ODF2: variants seen among roughly 807,000 people sequenced by gnomAD.
The protein encoded by ODF2 is outer dense fiber of sperm tails 2.
A neutral mutation model predicts 110.2 loss-of-function variants in ODF2; 47 were observed. That is an observed-to-expected ratio of 0.43 (90% CI 0.34 to 0.54). The LOEUF is 0.54. Among genes scored for constraint, ODF2 ranks in the 20% least tolerant of loss-of-function variants. The pLI, the probability that ODF2 is intolerant of heterozygous loss-of-function variation, is 0.03. For synonymous variants in ODF2, 352 were observed against 397.7 expected (o/e 0.89, Z 1.37); for missense variants, 812 against 1,054.5 (o/e 0.77, Z 3.19).
chr9:128,462,336 A>G (rs537598940), intron 4 of ODF2, among the ~76,000 whole-genome samples: 13 of 152,050 alleles, frequency 8.5e-5, no homozygotes, highest in Admixed American at 3.9e-4. Context: ...TTTAGTAGAG[A>G]TAGGGTTTGT....
chr9:128,492,441 A>G (rs575546042), exon 15 of ODF2: 7 of 1,613,766 alleles, frequency 4.3e-6, no homozygotes, highest in East Asian at 2.2e-5. Flanking sequence ...CTTTGCTCCA[A>G]TGGAGGACAA....
intron 8 of ODF2, among the ~76,000 whole-genome samples, chr9:128,479,780 T>TGC (rs1272503337): frequency 1.3e-5 from 2 of 152,108 alleles, no homozygotes; most frequent in Non-Finnish European, 2.9e-5. Context: ...AGGTTCCACA[T>TGC]GCCATGGCAT....
intron 4 of ODF2, among the ~76,000 whole-genome samples, chr9:128,464,456 A>G (rs754631766): frequency 6.8e-6 from 1 of 147,700 alleles, no homozygotes; most frequent in Non-Finnish European, 1.5e-5. Context: ...GCCCAGCCCA[A>G]AAATGCCTTT....
chr9:128,470,655 A>G (rs1839762750), intron 5 of ODF2, among the ~76,000 whole-genome samples: 1 of 150,800 alleles, frequency 6.6e-6, no homozygotes, highest in South Asian at 2.1e-4. Flanking sequence ...TTCTTCCCCT[A>G]TAACTCAAAG....
At chr9:128,475,724 C>A (rs1370283935) in intron 8 of ODF2, among the ~76,000 whole-genome samples, 23 of 151,980 alleles carry the variant, frequency 1.5e-4, no homozygotes, top group Admixed American at 1.5e-3. Context: ...CTGTTCACTG[C>A]AACCTCCGCC....
At chr9:128,466,151 A>G (rs1051852920) in intron 4 of ODF2, among the ~76,000 whole-genome samples, 2 of 150,840 alleles carry the variant, frequency 1.3e-5, no homozygotes, top group African/African-American at 4.9e-5. Context: ...AAAAAAAACA[A>G]AAAAAACGGA....
At chr9:128,483,607 A>G (rs1019892468) in intron 10 of ODF2, among the ~76,000 whole-genome samples, 11 of 147,500 alleles carry the variant, frequency 7.5e-5, no homozygotes, top group Non-Finnish European at 1.5e-4. Context: ...ATTATTGACC[A>G]TGCGCGGTGG....
intron 16 of ODF2, among the ~76,000 whole-genome samples, chr9:128,493,436 T>C (rs1032524119): frequency 2.0e-5 from 3 of 152,176 alleles, no homozygotes; most frequent in African/African-American, 4.8e-5. Flanking sequence ...AGCATCCAAG[T>C]AGACAGAAAT....
At chr9:128,498,551 T>A in exon 19 of ODF2, 1 of 1,604,446 alleles carries the variant, frequency 6.2e-7, no homozygotes, top group Non-Finnish European at 8.5e-7. Flanking sequence ...AGTTGGAGAG[T>A]GCCATTGAAG....
At chr9:128,487,996 G>C (rs750510737) in exon 14 of ODF2, 2 of 1,613,928 alleles carry the variant, frequency 1.2e-6, no homozygotes, top group East Asian at 4.5e-5. Context: ...TGAGTATTCC[G>C]CATTCAAGCT....
chr9:128,461,523 A>G (rs1836449309), intron 4 of ODF2: 1 of 154,378 alleles, frequency 6.5e-6, no homozygotes, highest in African/African-American at 2.4e-5. Context: ...GGTTCAAGTG[A>G]TTCTCCAGCC....
intron 17 of ODF2, 37 bp from the exon 18 acceptor site, chr9:128,496,004 T>C (rs1200375332): frequency 2.5e-6 from 4 of 1,611,764 alleles, no homozygotes; most frequent in East Asian, 4.5e-5. Context: ...TAGCGGGAAA[T>C]TCCTTTGTAA....
At chr9:128,463,909 A>G (rs1016899539) in intron 4 of ODF2, among the ~76,000 whole-genome samples, 5 of 152,122 alleles carry the variant, frequency 3.3e-5, no homozygotes, top group Non-Finnish European at 5.9e-5. Flanking sequence ...CAGTGACGCA[A>G]TCTCGGCTCA....
intron 14 of ODF2, among the ~76,000 whole-genome samples, chr9:128,489,003 T>C (rs1843988353): frequency 6.6e-6 from 1 of 152,170 alleles, no homozygotes; most frequent in African/African-American, 2.4e-5. Flanking sequence ...CGAAACTCCG[T>C]CTCAAAAGAA....
intron 7 of ODF2, 140 bp from the exon 8 acceptor site, chr9:128,473,470 C>T: frequency 1.5e-6 from 2 of 1,368,730 alleles, no homozygotes; most frequent in South Asian, 1.5e-5. Context: ...TCCAGGAAAC[C>T]TGCCCTTGAT....
chr9:128,483,285 G>T (rs1842767995), intron 10 of ODF2, among the ~76,000 whole-genome samples: 1 of 152,128 alleles, frequency 6.6e-6, no homozygotes, highest in African/African-American at 2.4e-5. Flanking sequence ...AGTAGCTCAT[G>T]TCTGGCACTT....
At chr9:128,495,083 G>A (rs1036873181) in intron 17 of ODF2, among the ~76,000 whole-genome samples, 1 of 152,244 alleles carries the variant, frequency 6.6e-6, no homozygotes, top group Non-Finnish European at 1.5e-5. Flanking sequence ...ATTCTGTCCT[G>A]AAAGAAGCAA....
intron 5 of ODF2, 139 bp downstream of exon 5, chr9:128,469,492 C>A: frequency 1.2e-6 from 1 of 829,780 alleles, no homozygotes; most frequent in Non-Finnish European, 2.0e-6. Context: ...GCTTCAGTTG[C>A]CTGCCCCGGG....
chr9:128,476,444 C>T (rs568764925), intron 8 of ODF2, among the ~76,000 whole-genome samples: 6 of 150,516 alleles, frequency 4.0e-5, no homozygotes, highest in African/African-American at 1.5e-4. Flanking sequence ...CATGCCACCA[C>T]ACCGGGCTAC....
Sources: allele counts gnomAD v4.1 joint callset (sites outside exome capture counted in the v4.1 genomes callset), GRCh38; gene constraint gnomAD v4.1.1; transcripts MANE v1.5; gene names NCBI Gene and HGNC (gene_info 2026-07-23, HGNC 2026-07-21).